NUMBL: variants seen among roughly 807,000 people sequenced by gnomAD.
NUMBL encodes NUMB like endocytic adaptor protein.
A neutral mutation model predicts 48.9 loss-of-function variants in NUMBL; 20 were observed. The observed-to-expected ratio is 0.41, with a 90% confidence interval of 0.29 to 0.59. The LOEUF is 0.59. Ranked by LOEUF, NUMBL falls within the 20% of genes least tolerant of loss-of-function variation. The pLI, the probability that NUMBL is intolerant of heterozygous loss-of-function variation, is 0.31. For synonymous variants in NUMBL, 340 were observed against 348.7 expected, an observed-to-expected ratio of 0.98 and a Z score of 0.28; for missense variants, 660 against 846.2, an observed-to-expected ratio of 0.78 and a Z score of 2.73.
intron 9 of NUMBL, 41 bp downstream of exon 9, chr19:40,669,857 G>T: frequency 6.2e-7 from 1 of 1,601,390 alleles, no homozygotes; most frequent in South Asian, 1.1e-5. Context: ...GATACAGGAG[G>T]GACATGCAGG....
At position 40,677,365 on chromosome 19, in the gene NUMBL, T is replaced by G; in HGVS notation, c.597A>C (p.Lys199Asn). The G allele has an allele frequency of 6.2e-7, 1 of 1,611,952 alleles. No individual in the cohort carries two copies. Among genetic ancestry groups the G allele is most frequent in the Non-Finnish European group, 8.5e-7 (1 of 1,179,932 alleles). The change falls in exon 7 of 10, where the codon AAA becomes AAC. Residue 199 changes from lysine to asparagine, a missense_variant. Physicochemically the swap from Lys to Asn is moderately conservative, Grantham distance 94. Coordinates refer to ENST00000252891, the MANE Select transcript of NUMBL (RefSeq NM_004756.5). ...CCCCACATTCCTTCTCCCGTCGCTGTTTTCGCTCCAGGCAGGCGGCAAAAG... is the reference window on the plus strand; with the variant it reads ...CCCCACATTCCTTCTCCCGTCGCTGGTTTCGCTCCAGGCAGGCGGCAAAAG... ...GCAFAACLERKQRREKECGVT... is the reference protein window; with the variant it reads ...GCAFAACLERNQRREKECGVT...
Position 40,667,660 on chromosome 19 carries a change from G to T in NUMBL, c.1638C>A (p.Pro546=). The part of the protein sequence containing the change: ...KAGAFPPPAI[P]SAPGSQARPR... ...GGCGGGCCTGGCTCCCAGGGGCACTGGGTATGGCAGGGGGCGGGAAGGCCC... is the reference window on the plus strand; with the variant it reads ...GGCGGGCCTGGCTCCCAGGGGCACTTGGTATGGCAGGGGGCGGGAAGGCCC... The change falls in exon 10 of 10, where the codon CCC becomes CCA. Residue 546 remains proline, a synonymous_variant. Transcript: ENST00000252891. This position sits in a 1 kb window ranked among gnomAD's most constrained non-coding sequence, Gnocchi z 6.1. The T allele has an allele frequency of 6.4e-7, 1 of 1,565,030 alleles. No homozygotes were observed.
chr19:40,684,375 C>A, intron 3 of NUMBL, 42 bp downstream of exon 3: 2 of 1,531,106 alleles, frequency 1.3e-6, no homozygotes, highest in South Asian at 1.2e-5. Flanking sequence ...CACAGCGGCC[C>A]CCGTCCCCCT....
At position 40,686,938 on chromosome 19, in the gene NUMBL, G is replaced by GCCCCGGGGC. The variant is rs760646835; in HGVS notation, c.73_81dup (p.Ala25_Gly27dup). 4.7e-5 allele frequency: 73 copies of GCCCCGGGGC among 1,545,470 alleles called. No homozygotes were observed. Among genetic ancestry groups the GCCCCGGGGC allele is most frequent in the Non-Finnish European group, 4.4e-6 (5 of 1,143,776 alleles). On this transcript the variant is annotated inframe_insertion, in exon 2 of 10. Coordinates refer to ENST00000252891, the MANE Select transcript of NUMBL (RefSeq NM_004756.5). The stretch of plus-strand genomic sequence containing the variant: ...GGCTCCGTCCTGCAGGTTTCTGGGG[G>GCCCCGGGGC]CCCCGGGGCCCCACAGGGGGCTGGG...
Position 40,668,144 on chromosome 19 carries a change from G to T in NUMBL, c.1160-6C>A. On this transcript the variant is annotated splice_polypyrimidine_tract_variant and splice_region_variant and intron_variant, in intron 9 of 9. Coordinates refer to ENST00000252891, the MANE Select transcript of NUMBL (RefSeq NM_004756.5). Reference sequence around the variant, plus strand: ...CTCACCCCAGGCAGAAGTCCCTGGAGAGAGGAGAGGGACAGGTGAGGGAGG... The same window carrying T: ...CTCACCCCAGGCAGAAGTCCCTGGATAGAGGAGAGGGACAGGTGAGGGAGG... 2 of 1,587,728 alleles carry T rather than the reference G, an allele frequency of 1.3e-6. No homozygotes were observed. Among genetic ancestry groups the T allele is most frequent in the Non-Finnish European group, 1.7e-6 (2 of 1,165,852 alleles).
Position 40,688,943 on chromosome 19 carries a change from T to C in NUMBL, c.24+1517A>G, listed in dbSNP as rs183607547. Among the ~76,000 whole-genome samples the C allele has an allele frequency of 5.3e-4, 81 of 152,318 alleles. No individual in the cohort carries two copies. Among genetic ancestry groups the C allele is most frequent in the Non-Finnish European group, 8.8e-4 (60 of 68,020 alleles). On this transcript the variant is annotated intron_variant, in intron 1 of 9. Coordinates refer to ENST00000252891, the MANE Select transcript of NUMBL (RefSeq NM_004756.5). The surrounding 1 kb of genome is among the most constrained non-coding windows in gnomAD (Gnocchi z 4.6). Reference sequence around the variant, plus strand: ...GGTTCTGCATACGCAACCACTGTCATACACAATACTGTCACACAACCCCAG... The same window carrying C: ...GGTTCTGCATACGCAACCACTGTCACACACAATACTGTCACACAACCCCAG...
At chr19:40,672,162 G>A (rs574158716) in intron 8 of NUMBL, among the ~76,000 whole-genome samples, 63 of 152,224 alleles carry the variant, frequency 4.1e-4, no homozygotes, top group Non-Finnish European at 7.5e-4. Context: ...CCACAGGCAT[G>A]AGCCACTGCA....
chr19:40,686,398 G>A lies in NUMBL; in HGVS notation c.109+513C>T, dbSNP rs2081934526. On this transcript the variant is annotated intron_variant, in intron 2 of 9. Transcript: ENST00000252891. The stretch of plus-strand genomic sequence containing the variant: ...CGAACTCCTGACCTCCTGACCTCAG[G>A]TGATCCTCCCGCCTCAGCCTCCCAA... Among the ~76,000 whole-genome samples the A allele has an allele frequency of 3.4e-5, 5 of 146,252 alleles. No homozygotes were observed. The South Asian group carries it at 1.1e-3, about 32-fold the overall frequency.
In NUMBL at chr19:40,667,393, G is replaced by T. The variant is rs1181019893; in HGVS notation, c.*75C>A. 8 of 1,554,794 alleles carry T rather than the reference G, an allele frequency of 5.1e-6. No homozygotes were observed. In the Admixed American group the frequency reaches 1.4e-4, roughly 26 times the overall value. On this transcript the variant is annotated 3_prime_UTR_variant, in exon 10 of 10. Transcript: ENST00000252891. This position sits in a 1 kb window ranked among gnomAD's most constrained non-coding sequence, Gnocchi z 6.1. ...GAGGGGCGCAGCCCCAGGGAGCAGG[G>T]TTAGGGGAGAGGTTGTGCCTCCACC...
chr19:40,667,815 G>A lies in NUMBL; in HGVS notation c.1483C>T (p.Pro495Ser). 6.3e-7 allele frequency: 1 copy of A among 1,586,490 alleles called. No homozygotes were observed. The highest frequency in any genetic ancestry group is 1.1e-5 in the South Asian group (1 of 87,300). The change falls in exon 10 of 10, where the codon CCG (proline) becomes TCG (serine). Residue 495 changes from proline (P) to serine (S), a missense_variant. Physicochemically the swap from Pro to Ser is moderately conservative, Grantham distance 74 (BLOSUM62 -1). This residue lies in a region of NUMBL where 296 missense variants were observed against 339.7 expected (regional missense o/e 0.87). Transcript: ENST00000252891. The surrounding 1 kb of genome is among the most constrained non-coding windows in gnomAD (Gnocchi z 6.1). ...GGCATCGGTGGGTAGCCCAAGCCCG[G>A]GTAGGCGGGCACAAAAGGGGGCTGC... ...HMQPPFVPAY[P>S]GLGYPPMPRV...
At position 40,682,989 on chromosome 19, in the gene NUMBL, G is replaced by C. The variant is rs748502552; in HGVS notation, c.250-21C>G. 1.1e-5 allele frequency: 18 copies of C among 1,609,700 alleles called. No homozygotes were observed. Among genetic ancestry groups the C allele is most frequent in the East Asian group, 2.2e-5 (1 of 44,842 alleles). ...AGGTACTTGGGTTGGAGGGAATGGG[G>C]GGGGGGACATGAAACAGCACAGTAA... is the stretch of plus-strand genomic sequence containing the variant. On this transcript the variant is annotated intron_variant, in intron 3 of 9. Transcript: ENST00000252891. This position sits in a 1 kb window ranked among gnomAD's most constrained non-coding sequence, Gnocchi z 4.0.
intron 9 of NUMBL, 103 bp from the exon 10 acceptor site, chr19:40,668,241 G>C (rs1408126518): frequency 6.9e-7 from 1 of 1,450,834 alleles, no homozygotes. Flanking sequence ...ACGGACTCTG[G>C]AGCCAGACCG....
intron 6 of NUMBL, among the ~76,000 whole-genome samples, chr19:40,678,250 C>T (rs2081888245): frequency 6.6e-6 from 1 of 152,162 alleles, no homozygotes; most frequent in Non-Finnish European, 1.5e-5. Flanking sequence ...GCAACCTCCA[C>T]CTCCCGGCTT....
In NUMBL at chr19:40,668,119, C is replaced by T. The variant is rs1303786563; in HGVS notation, c.1179G>A (p.Glu393=). The part of the protein sequence containing the change: ...PATTGTSAWG[E]PSVPPAAAFQ... ...AGGCAGCTGCAGGGGGCACGGAGGG[C>T]TCACCCCAGGCAGAAGTCCCTGGAG... is the stretch of plus-strand genomic sequence containing the variant. The change falls in exon 10 of 10, where the codon GAG becomes GAA. Residue 393 remains glutamate, a synonymous_variant. Transcript: ENST00000252891. The T allele has an allele frequency of 1.2e-6, 2 of 1,601,288 alleles. No homozygotes were observed. The highest frequency in any genetic ancestry group is 1.1e-5 in the South Asian group (1 of 88,958).
Position 40,682,988 on chromosome 19 carries a change from G to T in NUMBL, c.250-20C>A, listed in dbSNP as rs764427450. 2.1e-5 allele frequency: 34 copies of T among 1,608,534 alleles called. 1 individual carries two copies. Among genetic ancestry groups the T allele is most frequent in the Admixed American group, 5.0e-5 (3 of 59,970 alleles). On this transcript the variant is annotated intron_variant, in intron 3 of 9. Coordinates refer to ENST00000252891, the MANE Select transcript of NUMBL (RefSeq NM_004756.5). This position sits in a 1 kb window ranked among gnomAD's most constrained non-coding sequence, Gnocchi z 4.0. ...CAGGTACTTGGGTTGGAGGGAATGG[G>T]GGGGGGGACATGAAACAGCACAGTA...
chr19:40,677,846 TA>T (rs1480223019), intron 6 of NUMBL, among the ~76,000 whole-genome samples: 7 of 151,848 alleles, frequency 4.6e-5, no homozygotes, highest in Admixed American at 4.6e-4. Flanking sequence ...AGATTCTGTC[TA>T]AAAAAAAGTC....
At position 40,686,905 on chromosome 19, in the gene NUMBL, G is replaced by A. The variant is rs1426186761; in HGVS notation, c.109+6C>T. The A allele has an allele frequency of 7.8e-6, 12 of 1,532,036 alleles. No homozygotes were observed. The highest frequency in any genetic ancestry group is 5.5e-5 in the African/African-American group (4 of 72,618). 94.9% of individuals were successfully genotyped at this position (1,532,036 alleles called of 1,614,324 possible). A position where few individuals can be genotyped will look rare whatever the true frequency, so the allele number is the denominator to read the frequency against. The stretch of plus-strand genomic sequence containing the variant: ...AGCCCTGCCCTGTCCCAGGCTGGTC[G>A]CTCACCTGGCTCCGTCCTGCAGGTT... On this transcript the variant is annotated splice_donor_region_variant and intron_variant, in intron 2 of 9. Coordinates refer to ENST00000252891, the MANE Select transcript of NUMBL (RefSeq NM_004756.5).
At chr19:40,681,801 T>C (rs1475595289) in intron 5 of NUMBL, among the ~76,000 whole-genome samples, 1 of 152,046 alleles carries the variant, frequency 6.6e-6, no homozygotes, top group East Asian at 1.9e-4. Context: ...GCCTCCCAAG[T>C]AGCTGGGATT....
In NUMBL at chr19:40,671,941, C is replaced by T. The variant is rs143995450; in HGVS notation, c.1036+1403G>A. On this transcript the variant is annotated intron_variant, in intron 8 of 9. Transcript: ENST00000252891. ...TGTTGCCCAGGCTGGAGTGAAGTGGCGCAATCTTAGCTCACTGCAGCTGGG... is the reference window on the plus strand; with the variant it reads ...TGTTGCCCAGGCTGGAGTGAAGTGGTGCAATCTTAGCTCACTGCAGCTGGG... Among the ~76,000 whole-genome samples the T allele has an allele frequency of 4.0e-4, 61 of 152,096 alleles. No individual in the cohort carries two copies. In the East Asian group the frequency reaches 8.3e-3, roughly 21 times the overall value.
Sources: allele counts gnomAD v4.1 joint callset (sites outside exome capture counted in the v4.1 genomes callset), GRCh38; gene constraint gnomAD v4.1.1; regional missense constraint gnomAD v4.1.1; non-coding constraint Gnocchi (gnomAD v3.1); transcripts MANE v1.5; gene names NCBI Gene and HGNC (gene_info 2026-07-23, HGNC 2026-07-21).